The following BET1 variants were observed in gnomAD, a reference collection of about 807,000 sequenced individuals.
The protein encoded by BET1 is BET1 homolog.
BET1 carries 9 observed loss-of-function variants against 13.9 expected under a neutral mutation model. The observed-to-expected ratio is 0.65, with a 90% CI of 0.39 to 1.13. The LOEUF is 1.13. BET1 is among the 50% of genes most tolerant of loss of function. BET1 has a pLI of 0.01. For missense variants in BET1, 127 were observed against 133.6 expected (o/e 0.95, Z 0.24); for synonymous variants, 39 against 47.3 (o/e 0.82, Z 0.72).
chr7:93,969,898 A>C (rs1795231795), intron 6 of BET1, among the ~76,000 whole-genome samples: 1 of 151,822 alleles, frequency 6.6e-6, no homozygotes, highest in Non-Finnish European at 1.5e-5. Flanking sequence ...TAAATTTCAA[A>C]ATTGAATTGC....
intron 4 of BET1, among the ~76,000 whole-genome samples, chr7:93,981,077 C>T (rs1795419759): frequency 6.6e-6 from 1 of 152,086 alleles, no homozygotes; most frequent in African/African-American, 2.4e-5. Flanking sequence ...TCATTTATTC[C>T]TATATGAATT....
intron 4 of BET1, among the ~76,000 whole-genome samples, chr7:93,976,492 T>C (rs1273306458): frequency 6.6e-6 from 1 of 152,122 alleles, no homozygotes; most frequent in African/African-American, 2.4e-5. Flanking sequence ...TTGTCATTTT[T>C]ATTTAAACTA....
At chr7:93,996,159 A>C in intron 3 of BET1, 106 bp downstream of exon 3, 1 of 834,768 alleles carries the variant, frequency 1.2e-6, no homozygotes. Flanking sequence ...AATGGACGGG[A>C]ATCAAGGACT....
intron 6 of BET1, among the ~76,000 whole-genome samples, chr7:93,969,141 C>G (rs941813033): frequency 6.6e-6 from 1 of 151,842 alleles, no homozygotes; most frequent in African/African-American, 2.4e-5. Context: ...TGCCCAATGA[C>G]TTTGCCCTTC....
chr7:93,976,148 A>C, intron 4 of BET1: 1 of 1,121,042 alleles, frequency 8.9e-7, no homozygotes, highest in African/African-American at 1.6e-5. Flanking sequence ...TTGAAAAAAC[A>C]AAACAAAACA....
At position 94,004,181 on chromosome 7, in the gene BET1, C is replaced by A; in HGVS notation, c.19+17G>T. 1 of 1,614,026 alleles carries A rather than the reference C, an allele frequency of 6.2e-7. No homozygotes were observed. The highest frequency in any genetic ancestry group is 1.1e-5 in the South Asian group (1 of 91,078). On this transcript the variant is annotated intron_variant, in intron 1 of 3. Transcript: ENST00000222547. ...GGTTCTAGGGCCCCGAACTTCGAAC[C>A]TCAGCCCTCTTCTTACCCAGGCCTG...
In BET1 at chr7:94,004,347, G is replaced by A. The variant is rs894148822; in HGVS notation, c.-131C>T. 129 of 1,246,380 alleles carry A rather than the reference G, an allele frequency of 1.0e-4. No homozygotes were observed. The highest frequency in any genetic ancestry group is 2.3e-4 in the Middle Eastern group (1 of 4,336). The allele number at this position is 1,246,380 out of a possible 1,614,324, so 77.2% of individuals were successfully genotyped here. On this transcript the variant is annotated 5_prime_UTR_variant, in exon 1 of 4. Coordinates refer to ENST00000222547, the MANE Select transcript of BET1 (RefSeq NM_005868.6). ...CCAACTTCTTCCCCTAAAGCGCCAC[G>A]ACATCAGTGGAGTCTAAACACCGCG...
chr7:93,992,089 A>C (rs1795648833), downstream of BET1: 1 of 985,414 alleles, frequency 1.0e-6, no homozygotes, highest in Admixed American at 6.1e-5. Flanking sequence ...GCGACATGCC[A>C]GTGTGTCCAG....
chr7:93,963,582 A>G (rs767683436), exon 7 of BET1: 1 of 152,122 alleles, frequency 6.6e-6, no homozygotes, highest in Non-Finnish European at 1.5e-5. Context: ...TGTGGCAGCC[A>G]GTTAATAAAT....
intron 4 of BET1, among the ~76,000 whole-genome samples, chr7:93,981,984 GAC>G (rs1460131302): frequency 6.6e-6 from 1 of 152,126 alleles, no homozygotes; most frequent in African/African-American, 2.4e-5. Context: ...GCTCTGGTAT[GAC>G]ACAGAGTCTG....
At chr7:93,994,707 C>T (rs1795723190) in intron 3 of BET1, among the ~76,000 whole-genome samples, 1 of 152,178 alleles carries the variant, frequency 6.6e-6, no homozygotes, top group South Asian at 2.1e-4. Context: ...AATGTAAGTA[C>T]TTTGTGCATT....
chr7:93,982,818 G>A (rs1023161746), intron 4 of BET1, among the ~76,000 whole-genome samples: 2 of 152,144 alleles, frequency 1.3e-5, no homozygotes, highest in African/African-American at 4.8e-5. Flanking sequence ...AAAGGGGATA[G>A]TTTTGCTTGT....
intron 6 of BET1, among the ~76,000 whole-genome samples, chr7:93,969,094 T>C (rs1279166320): frequency 2.0e-5 from 3 of 151,882 alleles, no homozygotes; most frequent in Non-Finnish European, 4.4e-5. Flanking sequence ...TGGCTTGCAA[T>C]AGGCAGATTA....
intron 4 of BET1, among the ~76,000 whole-genome samples, chr7:93,978,254 G>C (rs188378726): frequency 2.6e-5 from 4 of 151,922 alleles, no homozygotes; most frequent in Admixed American, 6.6e-5. Flanking sequence ...TTTTTTTGTC[G>C]AGAGGGGTTT....
intron 6 of BET1, among the ~76,000 whole-genome samples, chr7:93,971,818 A>C (rs1795262586): frequency 6.6e-6 from 1 of 151,744 alleles, no homozygotes; most frequent in African/African-American, 2.4e-5. Context: ...TAACTAAGAA[A>C]GTTTAAATTA....
At chr7:93,980,620 A>T (rs890945716) in intron 4 of BET1, among the ~76,000 whole-genome samples, 2 of 152,196 alleles carry the variant, frequency 1.3e-5, no homozygotes, top group African/African-American at 4.8e-5. Context: ...TTGCTTCAAC[A>T]TAATAAAGGC....
rs1310303547 is a variant in BET1 at position 93,993,908 on chromosome 7, A to C, written c.*322T>G. On this transcript the variant is annotated 3_prime_UTR_variant, in exon 4 of 4. Coordinates refer to ENST00000222547, the MANE Select transcript of BET1 (RefSeq NM_005868.6). ...ACTAAGTTTCCTTACATGGGACATA[A>C]ACCTGCATTTATGATTACAACAAAA... 1 of 1,535,866 alleles carries C rather than the reference A, an allele frequency of 6.5e-7. No individual in the cohort carries two copies. Among genetic ancestry groups the C allele is most frequent in the African/African-American group, 1.4e-5 (1 of 73,162 alleles).
intron 1 of BET1, 60 bp downstream of exon 1, chr7:94,004,138 C>T (rs1231539528): frequency 1.2e-6 from 2 of 1,613,308 alleles, no homozygotes; most frequent in East Asian, 4.5e-5. Context: ...CGATTTCCTC[C>T]CGCGCCCCAG....
chr7:93,992,769 C>T (rs926669398), downstream of BET1: 36 of 909,804 alleles, frequency 4.0e-5, no homozygotes, highest in Non-Finnish European at 1.8e-5. Flanking sequence ...ATCTACTTCT[C>T]ACAACTATCC....
Sources: gnomAD v4.1 joint callset for allele counts (sites outside exome capture counted in the v4.1 genomes callset) on GRCh38, gnomAD v4.1.1 for gene constraint, MANE v1.5 for transcripts, NCBI Gene and HGNC (gene_info 2026-07-23, HGNC 2026-07-21) for gene names.